The following RAB3B variants were observed in gnomAD, a reference collection of about 807,000 sequenced individuals.
RAB3B encodes ras-related protein Rab-3B.
Under a neutral mutation model 20.5 loss-of-function variants are expected in RAB3B, and 11 were observed. That is an observed-to-expected ratio of 0.54 (90% CI 0.34 to 0.89). The LOEUF (loss-of-function observed/expected upper bound fraction) is 0.89, where lower values mean the gene tolerates loss of function less well. RAB3B is among the 40% of genes least tolerant of loss of function. The pLI is 0.02. For missense variants in RAB3B, 225 were observed against 280.9 expected, an observed-to-expected ratio of 0.80 and a Z score of 1.42; for synonymous variants, 99 against 106.3, an observed-to-expected ratio of 0.93 and a Z score of 0.42.
At chr1:51,965,181 T>A (rs74578170) in intron 2 of RAB3B, among the ~76,000 whole-genome samples, 1 of 149,518 alleles carries the variant, frequency 6.7e-6, no homozygotes, top group Admixed American at 6.7e-5. Context: ...ATTGCGCCAC[T>A]GCACTTCCAA....
At chr1:51,939,241 A>G (rs773847682) in intron 2 of RAB3B, among the ~76,000 whole-genome samples, 7 of 152,230 alleles carry the variant, frequency 4.6e-5, no homozygotes, top group Non-Finnish European at 1.0e-4. Flanking sequence ...GTGATGCTTA[A>G]GCATATATAA....
chr1:51,982,327 C>T (rs541983335), intron 1 of RAB3B, among the ~76,000 whole-genome samples: 4 of 152,298 alleles, frequency 2.6e-5, no homozygotes, highest in African/African-American at 7.2e-5. Context: ...GTGGGAGGAT[C>T]GCTCAAGCCA....
chr1:51,941,457 C>G (rs1684492932), intron 2 of RAB3B, among the ~76,000 whole-genome samples: 1 of 152,136 alleles, frequency 6.6e-6, no homozygotes, highest in South Asian at 2.1e-4. Context: ...TGCAGTAGTA[C>G]AGGTCAGACT....
Position 51,908,457 on chromosome 1 carries a change from A to G in RAB3B, c.*11470T>C, listed in dbSNP as rs1683950408. 2 of 152,082 alleles carry G rather than the reference A, an allele frequency of 1.3e-5. No homozygotes were observed. Among genetic ancestry groups the G allele is most frequent in the African/African-American group, 4.8e-5 (2 of 41,416 alleles). The allele number at this position is 152,082 out of a possible 1,614,324, so 9.4% of individuals were successfully genotyped here. On this transcript the variant is annotated 3_prime_UTR_variant, in exon 5 of 5. Transcript: ENST00000371655. ...GAATTGAATATGATATGCAAATTGC[A>G]TAAGGTGACATCTCTCTGTGTGGCC...
chr1:51,926,030 C>T (rs1198060219), intron 4 of RAB3B, among the ~76,000 whole-genome samples: 1 of 152,206 alleles, frequency 6.6e-6, no homozygotes, highest in Non-Finnish European at 1.5e-5. Context: ...TCTCCAGTCA[C>T]CTGCCAATAT....
chr1:51,943,397 C>T (rs2153758), intron 2 of RAB3B, among the ~76,000 whole-genome samples: 7,602 of 87,234 alleles, frequency 0.087, 209 homozygotes, highest in Middle Eastern at 0.17. Context: ...ATAATAATAA[C>T]AACAACAACA....
chr1:51,962,555 G>C (rs1410948453), intron 2 of RAB3B, among the ~76,000 whole-genome samples: 1 of 152,090 alleles, frequency 6.6e-6, no homozygotes, highest in Non-Finnish European at 1.5e-5. Context: ...TTATCCCTCT[G>C]TTCATGTCAA....
At chr1:51,986,917 A>G (rs931517242) in intron 1 of RAB3B, among the ~76,000 whole-genome samples, 41 of 152,262 alleles carry the variant, frequency 2.7e-4, no homozygotes, top group African/African-American at 8.4e-4. Flanking sequence ...CAGGTCATGC[A>G]CAGTGGTGCA....
chr1:51,962,784 C>T (rs1423397202), intron 2 of RAB3B, among the ~76,000 whole-genome samples: 1 of 152,136 alleles, frequency 6.6e-6, no homozygotes, highest in Middle Eastern at 3.2e-3. Context: ...TAATCAAAGC[C>T]CGGCTCTCCC....
chr1:51,974,035 G>A lies in RAB3B; in HGVS notation c.228+2855C>T, dbSNP rs1046025281. 4.6e-5 allele frequency among the ~76,000 whole-genome samples: 7 copies of A among 152,284 alleles called. No homozygotes were observed. The East Asian group carries it at 1.3e-3, about 29-fold the overall frequency. On this transcript the variant is annotated intron_variant, in intron 2 of 4. Transcript: ENST00000371655. ...GCATGAATCCTCTGACCGATGACAAGAACTTTCTGTTTGCTGTGGAAGATC... is the reference window on the plus strand; with the variant it reads ...GCATGAATCCTCTGACCGATGACAAAAACTTTCTGTTTGCTGTGGAAGATC...
chr1:51,929,946 C>T (rs981802282), intron 4 of RAB3B, among the ~76,000 whole-genome samples: 6 of 152,188 alleles, frequency 3.9e-5, no homozygotes, highest in Non-Finnish European at 5.9e-5. Context: ...TAATGAATAT[C>T]TACCCTATGC....
chr1:51,941,540 T>C (rs1684494332), intron 2 of RAB3B, among the ~76,000 whole-genome samples: 1 of 151,912 alleles, frequency 6.6e-6, no homozygotes, highest in African/African-American at 2.4e-5. Flanking sequence ...ATTTAAGAGG[T>C]AAAATTATAG....
intron 2 of RAB3B, among the ~76,000 whole-genome samples, chr1:51,964,880 A>C (rs1684827298): frequency 6.6e-6 from 1 of 152,204 alleles, no homozygotes; most frequent in Non-Finnish European, 1.5e-5. Context: ...TTTGCTCTTC[A>C]TAATTTATTC....
At chr1:51,936,006 G>A (rs1684399324) in intron 3 of RAB3B, among the ~76,000 whole-genome samples, 1 of 152,146 alleles carries the variant, frequency 6.6e-6, no homozygotes, top group Admixed American at 6.5e-5. Context: ...GTCACTCTCA[G>A]CTCAAGCTGT....
At chr1:51,946,638 G>A (rs1213355239) in intron 2 of RAB3B, among the ~76,000 whole-genome samples, 2 of 152,160 alleles carry the variant, frequency 1.3e-5, no homozygotes, top group Non-Finnish European at 2.9e-5. Context: ...CAGACATGTG[G>A]GCAAGACAGA....
chr1:51,920,160 G>C (rs367746877), intron 4 of RAB3B, 46 bp from the exon 5 acceptor site: 1 of 1,533,714 alleles, frequency 6.5e-7, no homozygotes, highest in Non-Finnish European at 8.9e-7. Flanking sequence ...CATCCCTTCT[G>C]CTGGAACCCT....
Position 51,984,263 on chromosome 1 carries a change from TAAAAAAAAAAAAAAA to T in RAB3B, c.-1+6274_-1+6288del, listed in dbSNP as rs1166997647. Among the ~76,000 whole-genome samples the T allele has an allele frequency of 1.2e-3, 24 of 20,676 alleles. No individual in the cohort carries two copies. The South Asian group carries it at 0.047, about 40-fold the overall frequency. The allele number at this position is 20,676 out of a possible 152,430, so 13.6% of individuals were successfully genotyped here. A position where few individuals can be genotyped will look rare whatever the true frequency, so the allele number is the denominator to read the frequency against. ...CAGGCAACAGTGGAGACTCTCTAAT[TAAAAAAAAAAAAAAA>T]AAAAAAAAAAAAAAAAAAAGCATGA... is the stretch of plus-strand genomic sequence containing the variant. On this transcript the variant is annotated intron_variant, in intron 1 of 4. Transcript: ENST00000371655.
intron 1 of RAB3B, among the ~76,000 whole-genome samples, chr1:51,981,706 T>C (rs899251027): frequency 6.6e-6 from 1 of 152,198 alleles, no homozygotes; most frequent in Non-Finnish European, 1.5e-5. Context: ...ACAGACCACA[T>C]GTACAATGGC....
chr1:51,929,663 T>G (rs1019706926), intron 4 of RAB3B, among the ~76,000 whole-genome samples: 1 of 152,186 alleles, frequency 6.6e-6, no homozygotes, highest in African/African-American at 2.4e-5. Context: ...ATTTTATCAC[T>G]TGCAATAACA....
Sources: gnomAD v4.1 joint callset for allele counts (sites outside exome capture counted in the v4.1 genomes callset) on GRCh38, gnomAD v4.1.1 for gene constraint, MANE v1.5 for transcripts, NCBI Gene and HGNC (gene_info 2026-07-23, HGNC 2026-07-21) for gene names.